CNTNAP2: variants seen among roughly 807,000 people sequenced by gnomAD.
The protein encoded by CNTNAP2 is contactin associated protein 2.
Under a neutral mutation model 155.2 loss-of-function variants are expected in CNTNAP2, and 98 were observed. The ratio of observed to expected loss-of-function variants is 0.63; its 90% CI spans 0.54 to 0.75. The LOEUF is 0.75. Among genes scored for constraint, CNTNAP2 ranks in the 30% least tolerant of loss-of-function variants. CNTNAP2 has a pLI of 0.00. For missense variants in CNTNAP2, 1,727 were observed against 1,688.1 expected, an observed-to-expected ratio of 1.02 and a Z score of -0.40; for synonymous variants, 651 against 631.2, an observed-to-expected ratio of 1.03 and a Z score of -0.47.
At chr7:147,983,582 T>A (rs1295026635) in intron 15 of CNTNAP2, among the ~76,000 whole-genome samples, 1 of 152,134 alleles carries the variant, frequency 6.6e-6, no homozygotes, top group Non-Finnish European at 1.5e-5. Flanking sequence ...TACAATTTGG[T>A]TTTTATATGT....
chr7:146,547,765 C>T (rs970765335), intron 1 of CNTNAP2, among the ~76,000 whole-genome samples: 7 of 151,302 alleles, frequency 4.6e-5, no homozygotes, highest in South Asian at 2.1e-4. Context: ...CTGTGATAAA[C>T]GTGGAAGTGC....
chr7:146,387,767 G>T (rs1279791982), intron 1 of CNTNAP2, among the ~76,000 whole-genome samples: 1 of 152,022 alleles, frequency 6.6e-6, no homozygotes, highest in African/African-American at 2.4e-5. Flanking sequence ...TCAACCTCCT[G>T]GGCTGAGGCA....
At chr7:146,743,530 T>C (rs1801755198) in intron 1 of CNTNAP2, among the ~76,000 whole-genome samples, 1 of 152,276 alleles carries the variant, frequency 6.6e-6, no homozygotes, top group East Asian at 1.9e-4. Flanking sequence ...TTTTGGAAGC[T>C]CTAGAGTAAT....
rs112411841 is a variant in CNTNAP2 at position 147,948,033 on chromosome 7, A to T, written c.2256-29829A>T. ...GAATTTTTTTAAAATTTACCTCACA[A>T]TCTAGAAAGAGGAGAAAAAAATACC... On this transcript the variant is annotated intron_variant, in intron 14 of 23. Coordinates refer to ENST00000361727, the MANE Select transcript of CNTNAP2 (RefSeq NM_014141.6). Among the ~76,000 whole-genome samples, 46 of 152,228 alleles carry T rather than the reference A, an allele frequency of 3.0e-4. No homozygotes were observed. The East Asian group carries it at 8.5e-3, about 28-fold the overall frequency.
At chr7:146,670,072 A>G (rs1325351687) in intron 1 of CNTNAP2, among the ~76,000 whole-genome samples, 4 of 152,132 alleles carry the variant, frequency 2.6e-5, no homozygotes, top group Non-Finnish European at 5.9e-5. Context: ...GTCCTTTTTG[A>G]TATTTTAGTG....
intron 18 of CNTNAP2, among the ~76,000 whole-genome samples, chr7:148,214,502 C>T (rs1488828450): frequency 1.3e-5 from 2 of 152,200 alleles, no homozygotes; most frequent in Admixed American, 1.3e-4. Flanking sequence ...GATTAAGTAG[C>T]TGTTCAATCC....
rs139199424 is a variant in CNTNAP2, at chr7:147,206,019, C to T, written c.1348+73510C>T. Reference sequence around the variant, plus strand: ...TTCACATTTACCCCATAAATATGTACAACTATTATGTATCAGTAATTAAAT... The same window carrying T: ...TTCACATTTACCCCATAAATATGTATAACTATTATGTATCAGTAATTAAAT... On this transcript the variant is annotated intron_variant, in intron 8 of 23. Coordinates refer to ENST00000361727, the MANE Select transcript of CNTNAP2 (RefSeq NM_014141.6). Among the ~76,000 whole-genome samples, 1,090 of 151,998 alleles carry T rather than the reference C, an allele frequency of 7.2e-3. 8 individuals carry two copies. The highest frequency in any genetic ancestry group is 0.012 in the Non-Finnish European group (821 of 67,974).
chr7:147,764,282 T>A (rs1222987404), intron 13 of CNTNAP2, among the ~76,000 whole-genome samples: 1 of 152,182 alleles, frequency 6.6e-6, no homozygotes, highest in African/African-American at 2.4e-5. Context: ...GTGGCCCTTT[T>A]ATTTGGCTAT....
intron 15 of CNTNAP2, among the ~76,000 whole-genome samples, chr7:148,112,689 C>G (rs1804378782): frequency 6.6e-6 from 1 of 152,046 alleles, no homozygotes. Context: ...GGCACCATGC[C>G]AAGCTTGAAT....
chr7:147,145,573 C>T (rs752513533), intron 8 of CNTNAP2, among the ~76,000 whole-genome samples: 6 of 152,158 alleles, frequency 3.9e-5, no homozygotes, highest in African/African-American at 7.2e-5. Context: ...CCACCCACCC[C>T]ACTCCACGGA....
At chr7:147,685,829 C>T (rs1796009226) in intron 13 of CNTNAP2, among the ~76,000 whole-genome samples, 1 of 151,852 alleles carries the variant, frequency 6.6e-6, no homozygotes, top group Admixed American at 6.6e-5. Context: ...GATGAGAGTA[C>T]AGATATCATG....
chr7:147,616,176 A>G (rs958177941), intron 12 of CNTNAP2, among the ~76,000 whole-genome samples: 4 of 152,146 alleles, frequency 2.6e-5, no homozygotes, highest in Non-Finnish European at 5.9e-5. Context: ...TATATTTTTT[A>G]ATGTATTTCC....
chr7:147,271,263 C>G (rs1804748112), intron 8 of CNTNAP2, among the ~76,000 whole-genome samples: 1 of 152,078 alleles, frequency 6.6e-6, no homozygotes, highest in African/African-American at 2.4e-5. Context: ...TAGTTTTTTC[C>G]TCTCTCCATT....
At chr7:147,840,421 A>G (rs2116650549) in intron 13 of CNTNAP2, among the ~76,000 whole-genome samples, 1 of 152,316 alleles carries the variant, frequency 6.6e-6, no homozygotes, top group East Asian at 1.9e-4. Context: ...GGGCAGAGGA[A>G]GGAGCCTATC....
chr7:147,264,567 C>T (rs1199861797), intron 8 of CNTNAP2, among the ~76,000 whole-genome samples: 1 of 150,890 alleles, frequency 6.6e-6, no homozygotes, highest in Non-Finnish European at 1.5e-5. Flanking sequence ...CATATCAAAC[C>T]CTCTGATGGA....
chr7:147,387,612 A>G (rs1563185151), intron 9 of CNTNAP2, among the ~76,000 whole-genome samples: 1 of 152,160 alleles, frequency 6.6e-6, no homozygotes, highest in Non-Finnish European at 1.5e-5. Context: ...TACTTGGTGT[A>G]TATATTTATG....
intron 1 of CNTNAP2, among the ~76,000 whole-genome samples, chr7:146,148,684 G>A (rs28564084): frequency 0.3 from 46,030 of 151,908 alleles, 8,170 homozygotes; most frequent in African/African-American, 0.49. Context: ...AATGATGAAC[G>A]TGGATAATTA....
intron 3 of CNTNAP2, among the ~76,000 whole-genome samples, chr7:146,938,340 A>G (rs1796968679): frequency 6.6e-6 from 1 of 151,062 alleles, no homozygotes; most frequent in Non-Finnish European, 1.5e-5. Context: ...GTGTTTATAT[A>G]TATCTCTCTG....
At chr7:147,741,737 G>A (rs547191524) in intron 13 of CNTNAP2, among the ~76,000 whole-genome samples, 2 of 152,162 alleles carry the variant, frequency 1.3e-5, no homozygotes, top group Non-Finnish European at 2.9e-5. Context: ...AAAGTTTTTT[G>A]TTATTAGAAT....
Sources: allele counts gnomAD v4.1 joint callset (sites outside exome capture counted in the v4.1 genomes callset), GRCh38; gene constraint gnomAD v4.1.1; transcripts MANE v1.5; gene names NCBI Gene and HGNC (gene_info 2026-07-23, HGNC 2026-07-21).